The following CSPG5 variants were observed in gnomAD, a reference collection of about 807,000 sequenced individuals.
CSPG5 encodes acidic leucine-rich EGF-like domain-containing brain protein.
A neutral mutation model predicts 39.8 loss-of-function variants in CSPG5; 25 were observed. The ratio of observed to expected loss-of-function variants is 0.63; its 90% CI spans 0.46 to 0.88. The LOEUF (loss-of-function observed/expected upper bound fraction) is 0.88. Among genes scored for constraint, CSPG5 ranks in the 40% least tolerant of loss-of-function variants. The probability of loss-of-function intolerance (pLI) is 0.00; values close to 1 mark genes in which losing one functional copy is unlikely to be tolerated. For missense variants in CSPG5, 627 were observed against 702.2 expected (o/e 0.89, Z 1.21); for synonymous variants, 295 against 303.9 (o/e 0.97, Z 0.31).
chr3:47,568,983 T>C, intron 4 of CSPG5, 169 bp downstream of exon 4: 1 of 1,274,656 alleles, frequency 7.8e-7, no homozygotes, highest in Non-Finnish European at 1.0e-6. Context: ...CAGAGCTCTC[T>C]GGGGATTTCA....
chr3:47,577,857 T>G lies in CSPG5; in HGVS notation c.169A>C (p.Asn57His). The stretch of plus-strand genomic sequence containing the variant: ...GGGCCGGCTTCTTCCCGCGTGTCGT[T>G]GGCAGGCGGCTCCCACGCCGGGCTG... ...KGSPAWEPPANDTREEAGPPA... is the reference protein window; with the variant it reads ...KGSPAWEPPAHDTREEAGPPA... The change falls in exon 2 of 5, where the codon AAC (asparagine) becomes CAC (histidine). Residue 57 changes from asparagine (N) to histidine (H), a missense_variant. By Grantham distance (68) the Asn-to-His change is moderately conservative. Coordinates refer to ENST00000264723, the MANE Select transcript of CSPG5 (RefSeq NM_006574.4). The surrounding 1 kb of genome is among the most constrained non-coding windows in gnomAD (Gnocchi z 4.7). 6.5e-7 allele frequency: 1 copy of G among 1,537,056 alleles called. No homozygotes were observed. Among genetic ancestry groups the G allele is most frequent in the Non-Finnish European group, 8.7e-7 (1 of 1,153,964 alleles).
chr3:47,576,953 T>C lies in CSPG5; in HGVS notation c.1073A>G (p.Glu358Gly). Residue 358 changes from glutamate (E) to glycine (G), a missense_variant, in exon 2 of 5, where the codon GAG becomes GGG. Transcript: ENST00000264723. The stretch of plus-strand genomic sequence containing the variant: ...ATGCCGCACAAAGCCACTGCGGCAC[T>C]CAGTGCCATTTTCACTGGAGGCCAA... ...RDLASSENGT[E>G]CRSGFVRHNG... 1 of 1,613,726 alleles carries C rather than the reference T, an allele frequency of 6.2e-7. No individual in the cohort carries two copies. The highest frequency in any genetic ancestry group is 8.5e-7 in the Non-Finnish European group (1 of 1,179,798).
In CSPG5 at chr3:47,578,040, C is replaced by T; in HGVS notation, c.98-112G>A. 1 of 1,317,886 alleles carries T rather than the reference C, an allele frequency of 7.6e-7. No individual in the cohort carries two copies. The highest frequency in any genetic ancestry group is 9.6e-7 in the Non-Finnish European group (1 of 1,038,456). 81.6% of individuals were successfully genotyped at this position (1,317,886 alleles called of 1,614,324 possible). ...GCCTAGACCTGGTCAACCCAGACCT[C>T]GCCACCCTCAGACCCCACCGCCCCA... On this transcript the variant is annotated intron_variant, in intron 1 of 4. Transcript: ENST00000264723. The surrounding 1 kb of genome is among the most constrained non-coding windows in gnomAD (Gnocchi z 6.0).
chr3:47,572,850 C>A lies in CSPG5; in HGVS notation c.1218G>T (p.Trp406Cys). ...TGGACTCGCAGCGCATCCCCTTGTG[C>A]CAGATGTAGTCCTGCGTGTTGCACC... ...FCRCNTQDYI[W>C]HKGMRCESII... The change falls in exon 3 of 5, where the codon TGG (tryptophan) becomes TGT (cysteine). Residue 406 changes from tryptophan (W) to cysteine (C), a missense_variant. Coordinates refer to ENST00000264723, the MANE Select transcript of CSPG5 (RefSeq NM_006574.4). This position sits in a 1 kb window ranked among gnomAD's most constrained non-coding sequence, Gnocchi z 4.5. 1 of 1,613,366 alleles carries A rather than the reference C, an allele frequency of 6.2e-7. No homozygotes were observed. Among genetic ancestry groups the A allele is most frequent in the Non-Finnish European group, 8.5e-7 (1 of 1,179,490 alleles).
intron 4 of CSPG5, among the ~76,000 whole-genome samples, chr3:47,563,283 C>T (rs2031160398): frequency 1.3e-5 from 2 of 152,202 alleles, no homozygotes; most frequent in Admixed American, 6.5e-5. Flanking sequence ...AGAGCATCTC[C>T]GCTGACTAGA....
In CSPG5 at chr3:47,572,591, A is replaced by G; in HGVS notation, c.1382+95T>C. 1 of 1,089,764 alleles carries G rather than the reference A, an allele frequency of 9.2e-7. No individual in the cohort carries two copies. 67.5% of individuals were successfully genotyped at this position (1,089,764 alleles called of 1,614,324 possible). On this transcript the variant is annotated intron_variant, in intron 3 of 4. Coordinates refer to ENST00000264723, the MANE Select transcript of CSPG5 (RefSeq NM_006574.4). The surrounding 1 kb of genome is among the most constrained non-coding windows in gnomAD (Gnocchi z 4.5). ...TGGAGCACAGGTGCCAGAAACCCTC[A>G]CGACAAAGTCCCTGGATCAGTTGGA...
In CSPG5 at chr3:47,578,115, C is replaced by A; in HGVS notation, c.98-187G>T. On this transcript the variant is annotated intron_variant, in intron 1 of 4. Transcript: ENST00000264723. This position sits in a 1 kb window ranked among gnomAD's most constrained non-coding sequence, Gnocchi z 6.0. The stretch of plus-strand genomic sequence containing the variant: ...TCTAAGCCCCGTCCCGGAGTCTGCC[C>A]CCAAGACGAGGATCACACCCCGCCC... The A allele has an allele frequency of 1.1e-6, 1 of 927,848 alleles. No individual in the cohort carries two copies. The highest frequency in any genetic ancestry group is 1.4e-6 in the Non-Finnish European group (1 of 704,066). 57.5% of individuals were successfully genotyped at this position (927,848 alleles called of 1,614,324 possible).
At position 47,577,432 on chromosome 3, in the gene CSPG5, G is replaced by C; in HGVS notation, c.594C>G (p.Thr198=). 1 of 1,614,148 alleles carries C rather than the reference G, an allele frequency of 6.2e-7. No individual in the cohort carries two copies. The highest frequency in any genetic ancestry group is 2.2e-5 in the East Asian group (1 of 44,858). Residue 198 remains threonine, a synonymous_variant, in exon 2 of 5, where the codon ACC becomes ACG. Coordinates refer to ENST00000264723, the MANE Select transcript of CSPG5 (RefSeq NM_006574.4). This position sits in a 1 kb window ranked among gnomAD's most constrained non-coding sequence, Gnocchi z 4.7. ...TATCTGATGCCGGTTGGGGCTCCAGGGTGCCCTGAAATGGGTAAGTCAGCT... is the reference window on the plus strand; with the variant it reads ...TATCTGATGCCGGTTGGGGCTCCAGCGTGCCCTGAAATGGGTAAGTCAGCT... The part of the protein sequence containing the change: ...GPELTYPFQG[T]LEPQPASDII...
In CSPG5 at chr3:47,573,400, A is replaced by C. The variant is rs1381199854; in HGVS notation, c.1194-526T>G. Among the ~76,000 whole-genome samples the C allele has an allele frequency of 2.0e-5, 3 of 152,226 alleles. No homozygotes were observed. In the East Asian group the frequency reaches 5.8e-4, roughly 29 times the overall value. ...GAAGACACCTAAAAATAAGGAAGTG[A>C]CAGACAAGGACAAATAGAAAGATGG... On this transcript the variant is annotated intron_variant, in intron 2 of 4. Transcript: ENST00000264723.
At position 47,577,581 on chromosome 3, in the gene CSPG5, C is replaced by A; in HGVS notation, c.445G>T (p.Ala149Ser). 6.2e-7 allele frequency: 1 copy of A among 1,611,200 alleles called. No individual in the cohort carries two copies. Among genetic ancestry groups the A allele is most frequent in the South Asian group, 1.1e-5 (1 of 90,914 alleles). The part of the protein sequence containing the change: ...MPPAIPEATE[A>S]SGPPSPTPGD... ...GGGGTGGGGGAGGGTGGCCCGCTGG[C>A]CTCTGTAGCCTCAGGAATGGCAGGG... The change falls in exon 2 of 5, where the codon GCC (alanine) becomes TCC (serine). Residue 149 changes from alanine (A) to serine (S), a missense_variant. Coordinates refer to ENST00000264723, the MANE Select transcript of CSPG5 (RefSeq NM_006574.4). The surrounding 1 kb of genome is among the most constrained non-coding windows in gnomAD (Gnocchi z 4.7).
chr3:47,568,987 G>T (rs543917842), intron 4 of CSPG5, 165 bp downstream of exon 4: 2 of 1,276,530 alleles, frequency 1.6e-6, no homozygotes, highest in Non-Finnish European at 1.0e-6. Flanking sequence ...GCTCTCTGGG[G>T]ATTTCATATT....
In CSPG5 at chr3:47,577,200, C is replaced by G; in HGVS notation, c.826G>C (p.Asp276His). 3 of 1,607,862 alleles carry G rather than the reference C, an allele frequency of 1.9e-6. No homozygotes were observed. The highest frequency in any genetic ancestry group is 2.5e-6 in the Non-Finnish European group (3 of 1,176,894). The change falls in exon 2 of 5, where the codon GAT becomes CAT. Residue 276 changes from aspartate (D) to histidine (H), a missense_variant. Transcript: ENST00000264723. The surrounding 1 kb of genome is among the most constrained non-coding windows in gnomAD (Gnocchi z 4.7). ...TCCTCCTCTTCCTCCTCCTCTTCAT[C>G]CAAGTCATCATAAAAGGATGTGGTG... ...YPTTSFYDDL[D>H]EEEEEEEDDK... is the part of the protein sequence containing the mutation.
rs556555763 is a variant in CSPG5 at position 47,576,265 on chromosome 3, G to A, written c.1193+568C>T. 2.0e-5 allele frequency among the ~76,000 whole-genome samples: 3 copies of A among 151,856 alleles called. No individual in the cohort carries two copies. In the South Asian group the frequency reaches 6.2e-4, roughly 32 times the overall value. On this transcript the variant is annotated intron_variant, in intron 2 of 4. Coordinates refer to ENST00000264723, the MANE Select transcript of CSPG5 (RefSeq NM_006574.4). ...TTTTGCCTTTGTAATTGAGGGTTTG[G>A]GTAAGGACACAACACACAGAGGAAA...
At position 47,578,083 on chromosome 3, in the gene CSPG5, C is replaced by G; in HGVS notation, c.98-155G>C. On this transcript the variant is annotated intron_variant, in intron 1 of 4. Transcript: ENST00000264723. This position sits in a 1 kb window ranked among gnomAD's most constrained non-coding sequence, Gnocchi z 6.0. ...CCGCCCCAGTGTGACCCCAGCCACC[C>G]GGTACCTCTAAGCCCCGTCCCGGAG... The G allele has an allele frequency of 8.6e-7, 1 of 1,161,896 alleles. No individual in the cohort carries two copies. Among genetic ancestry groups the G allele is most frequent in the Non-Finnish European group, 1.1e-6 (1 of 907,780 alleles). 72.0% of individuals were successfully genotyped at this position (1,161,896 alleles called of 1,614,324 possible).
chr3:47,569,432 C>T (rs947508214), intron 3 of CSPG5, among the ~76,000 whole-genome samples: 3 of 151,214 alleles, frequency 2.0e-5, no homozygotes, highest in South Asian at 2.1e-4. Context: ...GGTGAAACCC[C>T]GTCTCTACTA....
intron 4 of CSPG5, among the ~76,000 whole-genome samples, chr3:47,568,755 C>A (rs553751895): frequency 6.6e-6 from 1 of 152,288 alleles, no homozygotes; most frequent in African/African-American, 2.4e-5. Flanking sequence ...GTGGCTCACA[C>A]CTATAATCCT....
At chr3:47,571,916 G>A (rs553313921) in intron 3 of CSPG5, among the ~76,000 whole-genome samples, 1 of 152,330 alleles carries the variant, frequency 6.6e-6, no homozygotes, top group South Asian at 2.1e-4. Context: ...TTCTCATAGC[G>A]TATAAGGTCA....
chr3:47,568,009 A>C (rs1313466734), intron 4 of CSPG5, among the ~76,000 whole-genome samples: 1 of 152,184 alleles, frequency 6.6e-6, no homozygotes, highest in East Asian at 1.9e-4. Context: ...TGGCTGTTGT[A>C]GTAGACAGAG....
At chr3:47,565,681 G>GA (rs11330263) in intron 4 of CSPG5, among the ~76,000 whole-genome samples, 3,126 of 134,190 alleles carry the variant, frequency 0.023, 39 homozygotes, top group African/African-American at 0.046. Context: ...AGTTAAATAG[G>GA]AAAAAAAAAA....
Sources: gnomAD v4.1 joint callset for allele counts (sites outside exome capture counted in the v4.1 genomes callset) on GRCh38, gnomAD v4.1.1 for gene constraint, Gnocchi (gnomAD v3.1) non-coding constraint, MANE v1.5 for transcripts, NCBI Gene and HGNC (gene_info 2026-07-23, HGNC 2026-07-21) for gene names.